The following MACROD2 variants were observed in gnomAD, a reference collection of about 807,000 sequenced individuals.
MACROD2 encodes mono-ADP ribosylhydrolase 2.
MACROD2 carries 36 observed loss-of-function variants against 70.4 expected under a neutral mutation model. That is an observed-to-expected ratio of 0.51 (90% CI 0.39 to 0.68). The LOEUF is 0.68. Among genes scored for constraint, MACROD2 ranks in the 30% least tolerant of loss-of-function variants. The pLI is 0.00. For synonymous variants in MACROD2, 172 were observed against 178.8 expected (o/e 0.96, Z 0.30); for missense variants, 496 against 538.4 (o/e 0.92, Z 0.78).
chr20:15,262,197 A>C (rs984291660), intron 6 of MACROD2, among the ~76,000 whole-genome samples: 2 of 151,704 alleles, frequency 1.3e-5, no homozygotes, highest in African/African-American at 4.8e-5. Context: ...CTTCCCCCTT[A>C]CACCTACCCT....
intron 3 of MACROD2, among the ~76,000 whole-genome samples, chr20:14,201,177 G>C (rs1399072839): frequency 2.0e-5 from 3 of 151,734 alleles, no homozygotes; most frequent in Non-Finnish European, 4.4e-5. Context: ...ATTTTTTATG[G>C]CATCAGTTAT....
At chr20:14,027,821 G>A (rs917878637) in intron 2 of MACROD2, among the ~76,000 whole-genome samples, 5 of 152,054 alleles carry the variant, frequency 3.3e-5, no homozygotes, top group African/African-American at 7.2e-5. Context: ...GATGCCAGCC[G>A]GAGCTCTCCT....
intron 4 of MACROD2, among the ~76,000 whole-genome samples, chr20:14,572,841 C>A (rs114606896): frequency 0.01 from 1,530 of 149,450 alleles, 25 homozygotes; most frequent in African/African-American, 0.036. Context: ...ATATAATACT[C>A]CAATAAAATA....
At chr20:15,721,338 T>A (rs2050784461) in intron 8 of MACROD2, among the ~76,000 whole-genome samples, 1 of 152,186 alleles carries the variant, frequency 6.6e-6, no homozygotes, top group South Asian at 2.1e-4. Flanking sequence ...GTCTTGCAAA[T>A]GTTGTAGGTT....
At position 15,797,774 on chromosome 20, in the gene MACROD2, T is replaced by A. The variant is rs529906937; in HGVS notation, c.646-64971T>A. On this transcript the variant is annotated intron_variant, in intron 8 of 17. Transcript: ENST00000684519. The stretch of plus-strand genomic sequence containing the variant: ...TCTCAAACTTCAGTGAGCATCAAAA[T>A]CACCTGAAGGGCTTACTAAAGCAAA... 3.9e-5 allele frequency among the ~76,000 whole-genome samples: 6 copies of A among 152,274 alleles called. No individual in the cohort carries two copies. The East Asian group carries it at 1.2e-3, about 29-fold the overall frequency.
At chr20:14,191,251 C>T (rs1482833580) in intron 3 of MACROD2, among the ~76,000 whole-genome samples, 3 of 152,106 alleles carry the variant, frequency 2.0e-5, no homozygotes, top group Non-Finnish European at 2.9e-5. Flanking sequence ...TAAAGCCCAG[C>T]TCCTCAGCCC....
At chr20:15,142,937 G>C (rs2076203269) in intron 5 of MACROD2, among the ~76,000 whole-genome samples, 1 of 152,102 alleles carries the variant, frequency 6.6e-6, no homozygotes. Flanking sequence ...TTGGTTCCAA[G>C]TCTTTGCTAT....
At chr20:14,932,515 A>G (rs923936740) in intron 5 of MACROD2, among the ~76,000 whole-genome samples, 1 of 152,130 alleles carries the variant, frequency 6.6e-6, no homozygotes, top group African/African-American at 2.4e-5. Flanking sequence ...CATTTCATGT[A>G]TACCCAAATT....
chr20:14,045,079 G>A (rs1440862359), intron 2 of MACROD2, among the ~76,000 whole-genome samples: 1 of 152,222 alleles, frequency 6.6e-6, no homozygotes, highest in African/African-American at 2.4e-5. Flanking sequence ...CGCTCCGAGT[G>A]CGGGGCCCGA....
At chr20:15,460,290 GC>G (rs1353788309) in intron 7 of MACROD2, among the ~76,000 whole-genome samples, 1 of 152,002 alleles carries the variant, frequency 6.6e-6, no homozygotes, top group African/African-American at 2.4e-5. Flanking sequence ...TCCTGTTTCT[GC>G]CAGGACCAAT....
intron 5 of MACROD2, among the ~76,000 whole-genome samples, chr20:14,887,534 A>G (rs1214491215): frequency 6.6e-6 from 1 of 151,678 alleles, no homozygotes; most frequent in African/African-American, 2.4e-5. Context: ...CTGGGAGTAC[A>G]GGCACACCCA....
intron 4 of MACROD2, among the ~76,000 whole-genome samples, chr20:14,654,971 T>C (rs1209054161): frequency 1.1e-4 from 16 of 152,110 alleles, no homozygotes; most frequent in Admixed American, 1.0e-3. Context: ...AACCAAGAGT[T>C]AGATTTCACA....
At chr20:15,832,634 A>G (rs1390585584) in intron 8 of MACROD2, among the ~76,000 whole-genome samples, 1 of 152,312 alleles carries the variant, frequency 6.6e-6, no homozygotes, top group East Asian at 1.9e-4. Context: ...TCAGTTATTC[A>G]TGTTGTAACA....
chr20:15,092,376 A>C (rs1193531601), intron 5 of MACROD2, among the ~76,000 whole-genome samples: 1 of 149,020 alleles, frequency 6.7e-6, no homozygotes, highest in Non-Finnish European at 1.5e-5. Flanking sequence ...ATAAATTTTT[A>C]TAAAGTATTC....
chr20:14,720,638 C>T (rs1185969500), intron 5 of MACROD2, among the ~76,000 whole-genome samples: 1 of 141,714 alleles, frequency 7.1e-6, no homozygotes, highest in Non-Finnish European at 1.5e-5. Flanking sequence ...ACTGCAACCT[C>T]TGACTCCCTG....
chr20:15,696,227 A>G (rs142265336), intron 8 of MACROD2, among the ~76,000 whole-genome samples: 6,662 of 152,230 alleles, frequency 0.044, 291 homozygotes, highest in East Asian at 0.21. Flanking sequence ...TTGTATGCCA[A>G]TTTTGCTGAG....
chr20:14,949,817 A>G (rs2074461332), intron 5 of MACROD2, among the ~76,000 whole-genome samples: 1 of 152,180 alleles, frequency 6.6e-6, no homozygotes, highest in South Asian at 2.1e-4. Flanking sequence ...TCATTTGACC[A>G]GCACTTAATG....
chr20:15,359,194 G>T (rs1318927745), intron 6 of MACROD2, among the ~76,000 whole-genome samples: 1 of 152,112 alleles, frequency 6.6e-6, no homozygotes, highest in Non-Finnish European at 1.5e-5. Flanking sequence ...ACACAAAGAA[G>T]AAACTGCTCA....
At chr20:14,423,695 G>T (rs755030631) in intron 3 of MACROD2, among the ~76,000 whole-genome samples, 339 of 95,272 alleles carry the variant, frequency 3.6e-3, no homozygotes, top group Non-Finnish European at 6.0e-3. Context: ...GCGAGACTCT[G>T]TCTCAAAAAA....
Sources: allele counts gnomAD v4.1 joint callset (sites outside exome capture counted in the v4.1 genomes callset), GRCh38; gene constraint gnomAD v4.1.1; transcripts MANE v1.5; gene names NCBI Gene and HGNC (gene_info 2026-07-23, HGNC 2026-07-21).